Variants in KCTD3 observed in about 807,000 individuals in gnomAD.
KCTD3 encodes the protein BTB/POZ domain-containing protein KCTD3.
In KCTD3, 41 loss-of-function variants were observed where a neutral mutation model predicts 85.8. That is an observed-to-expected ratio of 0.48 (90% CI 0.37 to 0.62). The LOEUF is 0.62. Ranked by LOEUF, KCTD3 falls within the 20% of genes least tolerant of loss-of-function variation. The probability of loss-of-function intolerance (pLI) is 0.00; values close to 1 mark genes in which losing one functional copy is unlikely to be tolerated. For synonymous variants in KCTD3, 338 were observed against 345.4 expected (o/e 0.98, Z 0.24); for missense variants, 724 against 989.9 (o/e 0.73, Z 3.60).
chr1:215,582,851 T>C (rs192879086), intron 8 of KCTD3, among the ~76,000 whole-genome samples: 1 of 152,334 alleles, frequency 6.6e-6, no homozygotes, highest in East Asian at 1.9e-4. Context: ...CGTGAGCCAC[T>C]GTGCCTGGCC....
intron 8 of KCTD3, among the ~76,000 whole-genome samples, chr1:215,582,958 A>G (rs900462564): frequency 2.6e-5 from 4 of 152,162 alleles, no homozygotes; most frequent in South Asian, 2.1e-4. Context: ...AAATTCACAT[A>G]TCTTATTAAG....
At chr1:215,593,026 G>C (rs1571885094) in intron 9 of KCTD3, among the ~76,000 whole-genome samples, 1 of 152,190 alleles carries the variant, frequency 6.6e-6, no homozygotes, top group Admixed American at 6.5e-5. Context: ...GATGTTAGTT[G>C]GTTTTCCTGT....
At chr1:215,617,095 G>A (rs1655485738) in intron 15 of KCTD3, among the ~76,000 whole-genome samples, 1 of 152,240 alleles carries the variant, frequency 6.6e-6, no homozygotes, top group Admixed American at 6.5e-5. Context: ...CTTCCAGATA[G>A]CTGAAAACCT....
At chr1:215,588,827 T>A (rs1309291817) in intron 9 of KCTD3, among the ~76,000 whole-genome samples, 1 of 152,206 alleles carries the variant, frequency 6.6e-6, no homozygotes, top group Admixed American at 6.5e-5. Flanking sequence ...AAAAATACAA[T>A]TCTACAGACA....
chr1:215,578,046 GCAGTGTCCTTTTT>G lies in KCTD3; in HGVS notation c.365_377del (p.Ser122MetfsTer14). 6.2e-7 allele frequency: 1 copy of G among 1,612,206 alleles called. No individual in the cohort carries two copies. Among genetic ancestry groups the G allele is most frequent in the Non-Finnish European group, 8.5e-7 (1 of 1,179,028 alleles). ...GAAGAATTGGAGCGTTCCTCTTGTG[GCAGTGTCCTTTTT>G]CATGGTTACTTGCCCCCACCAGGTA... On this transcript the variant is annotated frameshift_variant, in exon 6 of 18. Transcript: ENST00000259154. LOFTEE classifies it high-confidence loss of function.
chr1:215,589,067 CCAAA>C (rs1420808143), intron 9 of KCTD3, among the ~76,000 whole-genome samples: 1 of 152,138 alleles, frequency 6.6e-6, no homozygotes, highest in Non-Finnish European at 1.5e-5. Flanking sequence ...AAGGTCTATA[CCAAA>C]CAATTTCTGG....
chr1:215,620,126 A>G lies in KCTD3; in HGVS notation c.1956A>G (p.Glu652=). ...ATYGSMRPYR[E]SPLLARARRT... ...ACGGTTCCATGAGGCCTTACAGAGAAAGTCCTTTATTAGCAAGGGCAAGAA... is the reference window on the plus strand; with the variant it reads ...ACGGTTCCATGAGGCCTTACAGAGAGAGTCCTTTATTAGCAAGGGCAAGAA... The change falls in exon 18 of 18, where the codon GAA becomes GAG. Residue 652 remains glutamate (E), a synonymous_variant. Coordinates refer to ENST00000259154, the MANE Select transcript of KCTD3 (RefSeq NM_016121.5). The G allele has an allele frequency of 1.2e-6, 2 of 1,613,640 alleles. No individual in the cohort carries two copies.
At chr1:215,584,190 G>A (rs1187749278) in intron 8 of KCTD3, among the ~76,000 whole-genome samples, 2 of 152,128 alleles carry the variant, frequency 1.3e-5, no homozygotes, top group African/African-American at 2.4e-5. Context: ...GGATAAGCAG[G>A]ATGAGTCCAA....
chr1:215,583,628 T>C (rs1241916356), intron 8 of KCTD3, among the ~76,000 whole-genome samples: 1 of 152,130 alleles, frequency 6.6e-6, no homozygotes, highest in Non-Finnish European at 1.5e-5. Context: ...TTTTACTCAG[T>C]CCCCATTCAA....
In KCTD3 at chr1:215,586,499, A is replaced by G. The variant is rs1433694824; in HGVS notation, c.631A>G (p.Lys211Glu). ...YAHFAVCYRIKESSGWQQVFT... is the reference protein window; with the variant it reads ...YAHFAVCYRIEESSGWQQVFT... Reference sequence around the variant, plus strand: ...GTGCCTGTTCTTCCTTAACAGAATCAAAGAATCTTCAGGATGGCAGCAAGT... The same window carrying G: ...GTGCCTGTTCTTCCTTAACAGAATCGAAGAATCTTCAGGATGGCAGCAAGT... The change falls in exon 9 of 18, where the codon AAA (lysine) becomes GAA (glutamate). Residue 211 changes from lysine to glutamate, a missense_variant. Around this residue, in one of 6 missense-constraint regions of KCTD3, gnomAD observed 146 missense variants for 320.3 expected, o/e 0.46. Coordinates refer to ENST00000259154, the MANE Select transcript of KCTD3 (RefSeq NM_016121.5). 1 of 1,611,244 alleles carries G rather than the reference A, an allele frequency of 6.2e-7. No homozygotes were observed.
chr1:215,604,333 C>T (rs1654934874), intron 13 of KCTD3, 31 bp downstream of exon 13: 1 of 1,549,242 alleles, frequency 6.5e-7, no homozygotes, highest in Non-Finnish European at 8.9e-7. Flanking sequence ...TGGTAAGGAA[C>T]TTGGCTCTGT....
At chr1:215,593,885 G>A (rs1660313315) in intron 9 of KCTD3, among the ~76,000 whole-genome samples, 1 of 131,052 alleles carries the variant, frequency 7.6e-6, no homozygotes, top group Non-Finnish European at 1.6e-5. Flanking sequence ...TTTTGAGACA[G>A]TGTCTTGCTC....
intron 15 of KCTD3, among the ~76,000 whole-genome samples, chr1:215,615,232 A>C (rs1655388811): frequency 6.6e-6 from 1 of 152,226 alleles, no homozygotes. Context: ...AGGACAGTTC[A>C]GGCTCTTAAT....
rs767618101 is a variant in KCTD3 at position 215,595,358 on chromosome 1, G to A, written c.820G>A (p.Val274Met). The A allele has an allele frequency of 6.3e-7, 1 of 1,582,656 alleles. No homozygotes were observed. The highest frequency in any genetic ancestry group is 1.3e-5 in the African/African-American group (1 of 74,252). Residue 274 changes from valine (V) to methionine (M), a missense_variant and splice_region_variant, in exon 10 of 18, where the codon GTG becomes ATG. Val to Met is a conservative substitution (Grantham distance 21). Transcript: ENST00000259154. The part of the protein sequence containing the change: ...QDGGSGSEIG[V>M]FSLGVPVDAL... ...TTTATTTTTTATTGTCATTTAAGGA[G>A]TGTTCAGCCTGGGTGTTCCTGTAGA...
In KCTD3 at chr1:215,620,178, G is replaced by A. The variant is rs1457486971; in HGVS notation, c.2008G>A (p.Asp670Asn). 3 of 1,613,842 alleles carry A rather than the reference G, an allele frequency of 1.9e-6. No individual in the cohort carries two copies. Among genetic ancestry groups the A allele is most frequent in the Non-Finnish European group, 1.7e-6 (2 of 1,179,822 alleles). The change falls in exon 18 of 18, where the codon GAC (aspartate) becomes AAC (asparagine). Residue 670 changes from aspartate (D) to asparagine (N), a missense_variant. Asp to Asn is a conservative substitution (Grantham distance 23). This residue lies in a region of KCTD3 where 222 missense variants were observed against 217.7 expected (regional missense o/e 1.02). Transcript: ENST00000259154. ...GACTGAGAGCTTTCACAGTTATAGG[G>A]ACTTCCAGACTATTAATTTGAACAG... Reference protein sequence around the residue: ...RRTESFHSYRDFQTINLNRNV... With the variant: ...RRTESFHSYRNFQTINLNRNV...
chr1:215,594,259 T>A (rs2102581148), intron 9 of KCTD3, among the ~76,000 whole-genome samples: 1 of 152,310 alleles, frequency 6.6e-6, no homozygotes, highest in East Asian at 1.9e-4. Flanking sequence ...ACAAAGGTAC[T>A]CTGAGAGCCA....
At chr1:215,569,373 C>T (rs779435168) in intron 1 of KCTD3, among the ~76,000 whole-genome samples, 3 of 152,058 alleles carry the variant, frequency 2.0e-5, no homozygotes, top group Non-Finnish European at 4.4e-5. Context: ...CCCGCCTCGG[C>T]TTCCCAAAGT....
At chr1:215,570,511 T>C (rs1659319683) in intron 1 of KCTD3, among the ~76,000 whole-genome samples, 1 of 152,186 alleles carries the variant, frequency 6.6e-6, no homozygotes, top group African/African-American at 2.4e-5. Context: ...CAAAGAGCTT[T>C]TGAGTCAGGT....
intron 14 of KCTD3, 128 bp downstream of exon 14, chr1:215,608,300 C>A: frequency 1.7e-6 from 1 of 577,664 alleles, no homozygotes. Context: ...AAATTCTAAA[C>A]AGAATTTTAG....
Sources: allele counts gnomAD v4.1 joint callset (sites outside exome capture counted in the v4.1 genomes callset), GRCh38; gene constraint gnomAD v4.1.1; regional missense constraint gnomAD v4.1.1; transcripts MANE v1.5; gene names NCBI Gene and HGNC (gene_info 2026-07-23, HGNC 2026-07-21).